The following RANBP17 variants were observed in gnomAD, a reference collection of about 807,000 sequenced individuals.
RANBP17 encodes the protein ran-binding protein 17.
Under a neutral mutation model 141.2 loss-of-function variants are expected in RANBP17, and 158 were observed. The ratio of observed to expected loss-of-function variants is 1.12; its 90% CI spans 0.98 to 1.28. The LOEUF is 1.28. Ranked by LOEUF, RANBP17 falls within the 50% of genes most tolerant of loss-of-function variation. The pLI is 0.00. For synonymous variants in RANBP17, 430 were observed against 450.0 expected (o/e 0.96, Z 0.56); for missense variants, 1,438 against 1,290.7 (o/e 1.11, Z -1.75).
At chr5:171,253,259 C>T (rs1178161837) in intron 24 of RANBP17, among the ~76,000 whole-genome samples, 1 of 152,150 alleles carries the variant, frequency 6.6e-6, no homozygotes, top group African/African-American at 2.4e-5. Context: ...AAACAGCCTT[C>T]CAGTATTAAC....
intron 14 of RANBP17, among the ~76,000 whole-genome samples, chr5:171,056,233 G>C (rs1783362841): frequency 6.6e-6 from 1 of 152,130 alleles, no homozygotes; most frequent in South Asian, 2.1e-4. Flanking sequence ...CATGAGTCCT[G>C]AAAGTTTTTT....
At chr5:171,231,568 T>C (rs1338423928) in intron 22 of RANBP17, among the ~76,000 whole-genome samples, 2 of 152,214 alleles carry the variant, frequency 1.3e-5, no homozygotes, top group Non-Finnish European at 2.9e-5. Flanking sequence ...AGTGGTTGCA[T>C]CTGACTGAGA....
rs114056709 is a variant in RANBP17 at position 170,935,684 on chromosome 5, T to G, written c.1468+11134T>G. The stretch of plus-strand genomic sequence containing the variant: ...AGTCTCAGAGGGGCACCGGGCCTTA[T>G]GAGGTGTCAATCGCCCCCCTACTGG... On this transcript the variant is annotated intron_variant, in intron 12 of 27. Coordinates refer to ENST00000523189, the MANE Select transcript of RANBP17 (RefSeq NM_022897.5). Among the ~76,000 whole-genome samples the G allele has an allele frequency of 3.3e-3, 497 of 152,238 alleles. 2 individuals are homozygous for G. Among genetic ancestry groups the G allele is most frequent in the African/African-American group, 0.011 (466 of 41,570 alleles).
intron 14 of RANBP17, among the ~76,000 whole-genome samples, chr5:170,987,587 A>G (rs916087116): frequency 8.6e-5 from 13 of 151,752 alleles, no homozygotes; most frequent in African/African-American, 3.1e-4. Flanking sequence ...TTTTTATCCT[A>G]CATGGTAATA....
chr5:171,032,848 T>C (rs183977593), intron 14 of RANBP17, among the ~76,000 whole-genome samples: 50 of 152,266 alleles, frequency 3.3e-4, no homozygotes, highest in Non-Finnish European at 5.3e-4. Flanking sequence ...TGCGCATTAT[T>C]GTGCTACAGT....
intron 14 of RANBP17, among the ~76,000 whole-genome samples, chr5:171,044,464 T>C (rs1287406936): frequency 3.3e-5 from 5 of 152,052 alleles, no homozygotes; most frequent in African/African-American, 7.2e-5. Context: ...AATAATAACA[T>C]TTTTTCAAAC....
intron 14 of RANBP17, among the ~76,000 whole-genome samples, chr5:171,031,107 T>A (rs1781522914): frequency 1.3e-5 from 2 of 152,020 alleles, no homozygotes; most frequent in Non-Finnish European, 2.9e-5. Context: ...AAAGATCAGT[T>A]TTTAGTCTTT....
In RANBP17 at chr5:171,169,782, C is replaced by T. The variant is rs551043545; in HGVS notation, c.1711-348C>T. 1.4e-4 allele frequency among the ~76,000 whole-genome samples: 21 copies of T among 151,526 alleles called. No individual in the cohort carries two copies. The South Asian group carries it at 4.2e-3, about 30-fold the overall frequency. ...AGTGTTGGAACCTTTTGTTGAAGTA[C>T]TCTACTTTCCAGCCCTTTGCATACC... On this transcript the variant is annotated intron_variant, in intron 14 of 27. Transcript: ENST00000523189.
chr5:171,295,073 GT>G (rs1280928430), intron 26 of RANBP17, among the ~76,000 whole-genome samples: 1 of 152,180 alleles, frequency 6.6e-6, no homozygotes, highest in East Asian at 1.9e-4. Context: ...AATTATGTGT[GT>G]TTTTTGATGT....
chr5:170,930,083 T>G (rs1045914939), intron 12 of RANBP17, among the ~76,000 whole-genome samples: 5 of 152,198 alleles, frequency 3.3e-5, no homozygotes, highest in African/African-American at 4.8e-5. Context: ...TTTTCATCAC[T>G]TTTGTTGATC....
intron 16 of RANBP17, among the ~76,000 whole-genome samples, chr5:171,172,854 C>A (rs1269517509): frequency 6.6e-6 from 1 of 151,508 alleles, no homozygotes; most frequent in Non-Finnish European, 1.5e-5. Flanking sequence ...ATTATATATT[C>A]TTTAATTCAA....
intron 14 of RANBP17, among the ~76,000 whole-genome samples, chr5:171,142,793 A>T (rs543587602): frequency 2.0e-5 from 3 of 152,312 alleles, no homozygotes; most frequent in African/African-American, 2.4e-5. Flanking sequence ...AGCAAGTATC[A>T]TACCAGTTTT....
chr5:171,083,474 A>G (rs1387694092), intron 14 of RANBP17, among the ~76,000 whole-genome samples: 1 of 152,216 alleles, frequency 6.6e-6, no homozygotes, highest in Non-Finnish European at 1.5e-5. Flanking sequence ...TTTCTAAGCC[A>G]CCTGGTCTAT....
intron 20 of RANBP17, chr5:171,205,861 A>C: frequency 3.5e-6 from 2 of 565,674 alleles, no homozygotes; most frequent in Non-Finnish European, 6.6e-6. Flanking sequence ...GACTTCCCCC[A>C]AATGATTGTT....
chr5:171,038,162 T>TTGTGTGTGTG (rs61652416), intron 14 of RANBP17, among the ~76,000 whole-genome samples: 49 of 144,840 alleles, frequency 3.4e-4, no homozygotes, highest in Middle Eastern at 7.1e-3. Context: ...TTCTTAGGTA[T>TTGTGTGTGTG]TGTGTGTGTG....
chr5:171,184,881 G>A (rs748784779), intron 18 of RANBP17, among the ~76,000 whole-genome samples: 5 of 152,086 alleles, frequency 3.3e-5, no homozygotes, highest in African/African-American at 7.2e-5. Flanking sequence ...ACTTTATTGC[G>A]GCCAGGTGCG....
chr5:171,114,084 T>C (rs937077374), intron 14 of RANBP17, among the ~76,000 whole-genome samples: 1 of 152,168 alleles, frequency 6.6e-6, no homozygotes, highest in African/African-American at 2.4e-5. Flanking sequence ...TTTTAATTTC[T>C]AATATGGTAA....
chr5:171,068,012 G>A (rs993145221), intron 14 of RANBP17, among the ~76,000 whole-genome samples: 8 of 151,804 alleles, frequency 5.3e-5, no homozygotes, highest in African/African-American at 1.9e-4. Context: ...TTCTCATAAT[G>A]TGTAAGTTGG....
intron 14 of RANBP17, among the ~76,000 whole-genome samples, chr5:171,061,715 C>G (rs562080643): frequency 7.2e-5 from 11 of 152,212 alleles, no homozygotes; most frequent in African/African-American, 2.4e-4. Context: ...TCCTGGGTTT[C>G]CTTGTTAACT....
Sources: gnomAD v4.1 joint callset for allele counts (sites outside exome capture counted in the v4.1 genomes callset) on GRCh38, gnomAD v4.1.1 for gene constraint, MANE v1.5 for transcripts, NCBI Gene and HGNC (gene_info 2026-07-23, HGNC 2026-07-21) for gene names.